UBE2R2: variants seen among roughly 807,000 people sequenced by gnomAD.
UBE2R2 encodes the protein ubiquitin conjugating enzyme E2 R2.
Under a neutral mutation model 27.8 loss-of-function variants are expected in UBE2R2, and 1 was observed. That is an observed-to-expected ratio of 0.04 (90% CI 0.01 to 0.17). The LOEUF (loss-of-function observed/expected upper bound fraction) is 0.17. Ranked by LOEUF, UBE2R2 falls within the 10% of genes least tolerant of loss-of-function variation. UBE2R2 has a pLI of 1.00. For synonymous variants in UBE2R2, 106 were observed against 113.3 expected (o/e 0.94, Z 0.41); for missense variants, 100 against 291.0 (o/e 0.34, Z 4.78).
upstream of UBE2R2, among the ~76,000 whole-genome samples, chr9:33,815,704 A>G (rs1825738938): frequency 1.3e-5 from 2 of 152,228 alleles, no homozygotes; most frequent in South Asian, 4.1e-4. Context: ...TAATCACTCT[A>G]CTGTACTCCA....
chr9:33,825,344 C>T (rs1055137101), intron 1 of UBE2R2, among the ~76,000 whole-genome samples: 16 of 149,694 alleles, frequency 1.1e-4, no homozygotes, highest in African/African-American at 4.0e-4. Flanking sequence ...TGGGTCCAAG[C>T]AATTCTCCTC....
rs1320799461 is a variant in UBE2R2 at position 33,817,632 on chromosome 9, G to T, written c.-126G>T. On this transcript the variant is annotated 5_prime_UTR_variant, in exon 1 of 5. Coordinates refer to ENST00000263228, the MANE Select transcript of UBE2R2 (RefSeq NM_017811.4). ...TGGGGCCTGGTCTGGCCCGCCGGGT[G>T]TGTGAAGACCGGGGCCCGGTGCTGC... The T allele has an allele frequency of 2.9e-5, 32 of 1,092,930 alleles. No individual in the cohort carries two copies. Among genetic ancestry groups the T allele is most frequent in the Non-Finnish European group, 3.5e-5 (31 of 895,830 alleles). The allele number at this position is 1,092,930 out of a possible 1,614,324, so 67.7% of individuals were successfully genotyped here.
At chr9:33,899,345 G>A (rs745820730) in intron 2 of UBE2R2, among the ~76,000 whole-genome samples, 5 of 151,938 alleles carry the variant, frequency 3.3e-5, no homozygotes, top group Admixed American at 6.6e-5. Context: ...GATTACAGGC[G>A]CGTGCCACCA....
At chr9:33,852,147 A>G (rs1366706664) in intron 1 of UBE2R2, among the ~76,000 whole-genome samples, 1 of 152,108 alleles carries the variant, frequency 6.6e-6, no homozygotes, top group African/African-American at 2.4e-5. Flanking sequence ...CTGTCTCTAC[A>G]AAAAATAAAA....
At chr9:33,830,994 G>A (rs1820461235) in intron 1 of UBE2R2, 1 of 148,366 alleles carries the variant, frequency 6.7e-6, no homozygotes, top group Non-Finnish European at 1.5e-5. Flanking sequence ...TCCGAGTGCA[G>A]TGGTATTTAC....
Position 33,817,603 on chromosome 9 carries a change from C to A in UBE2R2, c.-155C>A. The A allele has an allele frequency of 1.1e-6, 1 of 894,410 alleles. No homozygotes were observed. Among genetic ancestry groups the A allele is most frequent in the Non-Finnish European group, 1.4e-6 (1 of 722,872 alleles). The allele number at this position is 894,410 out of a possible 1,614,324, so 55.4% of individuals were successfully genotyped here. On this transcript the variant is annotated 5_prime_UTR_variant, in exon 1 of 5. Coordinates refer to ENST00000263228, the MANE Select transcript of UBE2R2 (RefSeq NM_017811.4). Reference sequence around the variant, plus strand: ...GAGGACCCCGGGCGGGCCCACGGGCCGTGTGGGGCCTGGTCTGGCCCGCCG... The same window carrying A: ...GAGGACCCCGGGCGGGCCCACGGGCAGTGTGGGGCCTGGTCTGGCCCGCCG...
At chr9:33,883,706 T>C (rs1821783578) in intron 1 of UBE2R2, among the ~76,000 whole-genome samples, 1 of 128,236 alleles carries the variant, frequency 7.8e-6, no homozygotes, top group African/African-American at 3.0e-5. Context: ...AGAGCAAGAC[T>C]CTGTCTCAAA....
chr9:33,901,143 A>G (rs1822237055), intron 3 of UBE2R2, among the ~76,000 whole-genome samples: 1 of 151,926 alleles, frequency 6.6e-6, no homozygotes, highest in African/African-American at 2.4e-5. Context: ...TTGATTATAA[A>G]TTTTCTTGTT....
chr9:33,859,418 T>A (rs1821174880), intron 1 of UBE2R2, among the ~76,000 whole-genome samples: 1 of 152,190 alleles, frequency 6.6e-6, no homozygotes, highest in Non-Finnish European at 1.5e-5. Flanking sequence ...TGCCTGATAG[T>A]TTTAGATCCT....
chr9:33,860,607 A>G (rs1160713712), intron 1 of UBE2R2, among the ~76,000 whole-genome samples: 2 of 152,078 alleles, frequency 1.3e-5, no homozygotes, highest in African/African-American at 4.8e-5. Flanking sequence ...ATAGAATATG[A>G]GTTAACTCAA....
At chr9:33,841,666 C>G (rs1266771333) in intron 1 of UBE2R2, among the ~76,000 whole-genome samples, 1 of 152,192 alleles carries the variant, frequency 6.6e-6, no homozygotes, top group South Asian at 2.1e-4. Context: ...ATGTGTATAT[C>G]TGTACACATG....
At chr9:33,834,020 C>G (rs1820556252) in intron 1 of UBE2R2, among the ~76,000 whole-genome samples, 1 of 152,078 alleles carries the variant, frequency 6.6e-6, no homozygotes, top group Non-Finnish European at 1.5e-5. Context: ...TTGTATAATT[C>G]ATCTGTTGAT....
At chr9:33,907,773 C>A (rs992281615) in intron 3 of UBE2R2, among the ~76,000 whole-genome samples, 3 of 152,026 alleles carry the variant, frequency 2.0e-5, no homozygotes, top group African/African-American at 7.2e-5. Flanking sequence ...AACACTTAAA[C>A]TCATTTTTTA....
At position 33,829,793 on chromosome 9, in the gene UBE2R2, G is replaced by T. The variant is rs79936682; in HGVS notation, c.177+11859G>T. ...ACAGCATCTTTAGATTAGTGCAATC[G>T]TTTTTTTTTTTTTTTTTTTTTTAAA... On this transcript the variant is annotated intron_variant, in intron 1 of 4. Coordinates refer to ENST00000263228, the MANE Select transcript of UBE2R2 (RefSeq NM_017811.4). Among the ~76,000 whole-genome samples, 196 of 97,144 alleles carry T rather than the reference G, an allele frequency of 2.0e-3. 1 individual carries two copies. The highest frequency in any genetic ancestry group is 2.3e-3 in the Non-Finnish European group (110 of 48,744). The allele number at this position is 97,144 out of a possible 152,430, so 63.7% of individuals were successfully genotyped here. A position where few individuals can be genotyped will look rare whatever the true frequency, so the allele number is the denominator to read the frequency against.
intron 1 of UBE2R2, among the ~76,000 whole-genome samples, chr9:33,824,824 T>C (rs1055215566): frequency 2.0e-5 from 3 of 151,222 alleles, no homozygotes; most frequent in African/African-American, 7.3e-5. Context: ...AAAAAAAAAT[T>C]CTTGGAATCC....
chr9:33,850,438 T>C (rs866544921), intron 1 of UBE2R2, among the ~76,000 whole-genome samples: 9 of 152,084 alleles, frequency 5.9e-5, no homozygotes, highest in South Asian at 2.1e-4. Context: ...CCATTCTTCA[T>C]TCCATGATAC....
chr9:33,829,803 T>TG (rs1554670735), intron 1 of UBE2R2, among the ~76,000 whole-genome samples: 30 of 150,706 alleles, frequency 2.0e-4, no homozygotes, highest in Admixed American at 4.6e-4. Flanking sequence ...GTTTTTTTTT[T>TG]TTTTTTTTTT....
rs560835838 is a variant in UBE2R2 at position 33,836,766 on chromosome 9, A to T, written c.177+18832A>T. Among the ~76,000 whole-genome samples the T allele has an allele frequency of 3.6e-3, 513 of 140,736 alleles. 7 individuals are homozygous for T. Among genetic ancestry groups the T allele is most frequent in the East Asian group, 0.018 (90 of 5,108 alleles). 92.3% of individuals were successfully genotyped at this position (140,736 alleles called of 152,430 possible). A position where few individuals can be genotyped will look rare whatever the true frequency, so the allele number is the denominator to read the frequency against. On this transcript the variant is annotated intron_variant, in intron 1 of 4. Transcript: ENST00000263228. ...AGCAAGACTCTTATCTCAAAAAAAA[A>T]AAATATATATATATATATTCTTGAG... is the stretch of plus-strand genomic sequence containing the variant.
chr9:33,869,560 C>T (rs1025471082), intron 1 of UBE2R2, among the ~76,000 whole-genome samples: 10 of 151,670 alleles, frequency 6.6e-5, no homozygotes, highest in Admixed American at 4.0e-4. Context: ...AGTGATTCTC[C>T]TGTTTCAGCC....
Sources: allele counts gnomAD v4.1 joint callset (sites outside exome capture counted in the v4.1 genomes callset), GRCh38; gene constraint gnomAD v4.1.1; transcripts MANE v1.5; gene names NCBI Gene and HGNC (gene_info 2026-07-23, HGNC 2026-07-21).